Variants in TCF12 observed in about 807,000 individuals in gnomAD.
TCF12 encodes the protein transcription factor 12, also known as DNA-binding protein HTF4.
TCF12 carries 45 observed loss-of-function variants against 86.0 expected under a neutral mutation model. The observed-to-expected ratio is 0.52, with a 90% CI of 0.41 to 0.67. TCF12 has a LOEUF of 0.67. Ranked by LOEUF, TCF12 falls within the 30% of genes least tolerant of loss-of-function variation. TCF12 has a pLI of 0.00. For missense variants in TCF12, 881 were observed against 859.9 expected (o/e 1.02, Z -0.31); for synonymous variants, 330 against 299.6 (o/e 1.10, Z -1.05).
intron 3 of TCF12, among the ~76,000 whole-genome samples, chr15:56,935,976 A>G (rs2060453095): frequency 6.6e-6 from 1 of 152,138 alleles, no homozygotes; most frequent in South Asian, 2.1e-4. Flanking sequence ...TTTTTTTCAT[A>G]TAATGACTTC....
chr15:57,021,413 G>A (rs1355669588), intron 3 of TCF12, among the ~76,000 whole-genome samples: 1 of 152,210 alleles, frequency 6.6e-6, no homozygotes, highest in Non-Finnish European at 1.5e-5. Flanking sequence ...AGCACTTTGG[G>A]AGGCCCAGGA....
At chr15:57,000,064 A>G (rs2063933174) in intron 3 of TCF12, among the ~76,000 whole-genome samples, 1 of 152,076 alleles carries the variant, frequency 6.6e-6, no homozygotes, top group Non-Finnish European at 1.5e-5. Context: ...AACTAGGAGT[A>G]TTCATTCACT....
intron 5 of TCF12, among the ~76,000 whole-genome samples, chr15:57,131,507 C>A (rs1281505261): frequency 6.6e-6 from 1 of 152,170 alleles, no homozygotes; most frequent in African/African-American, 2.4e-5. Context: ...ACTGTTTTTA[C>A]TTACTAATGC....
At chr15:56,934,393 G>A (rs191626687) in intron 3 of TCF12, among the ~76,000 whole-genome samples, 20 of 152,290 alleles carry the variant, frequency 1.3e-4, no homozygotes, top group African/African-American at 4.8e-4. Flanking sequence ...AGGAGGAGAC[G>A]ATACAAAGAG....
At position 57,243,630 on chromosome 15, in the gene TCF12, T is replaced by C. The variant is rs2059728142; in HGVS notation, c.1114+80T>C. On this transcript the variant is annotated intron_variant, in intron 13 of 20. Coordinates refer to ENST00000333725, the MANE Select transcript of TCF12 (RefSeq NM_207037.2). Reference sequence around the variant, plus strand: ...AGTTCATTTATTTCTCAACAAACTTTAATAAAAATTTGTGAAAAATCATTT... The same window carrying C: ...AGTTCATTTATTTCTCAACAAACTTCAATAAAAATTTGTGAAAAATCATTT... The C allele has an allele frequency of 1.1e-5, 14 of 1,265,494 alleles. No individual in the cohort carries two copies. The Admixed American group carries it at 1.2e-4, about 11-fold the overall frequency. The allele number at this position is 1,265,494 out of a possible 1,614,324, so 78.4% of individuals were successfully genotyped here.
intron 7 of TCF12, 137 bp downstream of exon 7, chr15:57,192,430 C>T: frequency 8.1e-7 from 1 of 1,240,360 alleles, no homozygotes; most frequent in South Asian, 1.6e-5. Flanking sequence ...ACTCTGTTAC[C>T]CATGCAGGAA....
At chr15:57,248,133 G>A (rs1440962069) in intron 13 of TCF12, 3 of 701,964 alleles carry the variant, frequency 4.3e-6, no homozygotes, top group South Asian at 3.0e-5. Context: ...TTATTTTAAG[G>A]ATCCTTTTCC....
intron 4 of TCF12, among the ~76,000 whole-genome samples, chr15:57,077,653 A>G (rs1376425847): frequency 6.6e-6 from 1 of 150,920 alleles, no homozygotes; most frequent in African/African-American, 2.4e-5. Flanking sequence ...GCTGGTCTCG[A>G]ACTCCTGACC....
intron 16 of TCF12, among the ~76,000 whole-genome samples, chr15:57,259,043 G>A (rs1026651972): frequency 2.0e-5 from 3 of 151,746 alleles, no homozygotes; most frequent in African/African-American, 7.3e-5. Context: ...CCACTTTTTT[G>A]CTTTCTGCAA....
At chr15:57,016,702 C>G (rs890540017) in intron 3 of TCF12, among the ~76,000 whole-genome samples, 3 of 151,918 alleles carry the variant, frequency 2.0e-5, no homozygotes, top group East Asian at 1.9e-4. Flanking sequence ...GGGCCTCTTG[C>G]ATTTCCATGT....
chr15:57,195,781 T>A (rs1301368062), intron 7 of TCF12, among the ~76,000 whole-genome samples: 1 of 152,144 alleles, frequency 6.6e-6, no homozygotes, highest in Non-Finnish European at 1.5e-5. Flanking sequence ...AGGCCGATGA[T>A]CACTTGAGAC....
chr15:57,255,770 C>T (rs2060319461), intron 16 of TCF12, among the ~76,000 whole-genome samples: 1 of 152,034 alleles, frequency 6.6e-6, no homozygotes, highest in African/African-American at 2.4e-5. Flanking sequence ...GTGTGAGCCA[C>T]TGCACCCGGC....
intron 6 of TCF12, among the ~76,000 whole-genome samples, chr15:57,171,433 T>G (rs557219701): frequency 1.4e-4 from 21 of 152,228 alleles, no homozygotes; most frequent in Non-Finnish European, 2.1e-4. Flanking sequence ...GTCTTACCTA[T>G]TCACAAGCGA....
At chr15:57,124,671 T>C (rs2051500874) in intron 5 of TCF12, among the ~76,000 whole-genome samples, 2 of 151,970 alleles carry the variant, frequency 1.3e-5, no homozygotes, top group Admixed American at 6.6e-5. Context: ...CTCTCAAAAA[T>C]ATTTCTTTTT....
intron 3 of TCF12, among the ~76,000 whole-genome samples, chr15:56,938,467 G>T (rs2060581177): frequency 6.6e-6 from 1 of 151,936 alleles, no homozygotes; most frequent in Admixed American, 6.6e-5. Context: ...CCTGTAGTTT[G>T]CTTTTTCTGT....
intron 6 of TCF12, among the ~76,000 whole-genome samples, chr15:57,184,958 GTTA>G (rs2056579779): frequency 6.6e-6 from 1 of 152,008 alleles, no homozygotes. Context: ...TCTTCTGGAG[GTTA>G]TTATTTTAAT....
At chr15:57,251,293 A>G in intron 13 of TCF12, 57 bp from the exon 14 acceptor site, 1 of 1,452,200 alleles carries the variant, frequency 6.9e-7, no homozygotes, top group Non-Finnish European at 9.7e-7. Flanking sequence ...TTCCTTCACA[A>G]CATTATCAAG....
chr15:57,286,697 T>C lies in TCF12; in HGVS notation c.*552T>C, dbSNP rs1260412206. On this transcript the variant is annotated 3_prime_UTR_variant, in exon 21 of 21. Coordinates refer to ENST00000333725, the MANE Select transcript of TCF12 (RefSeq NM_207037.2). ...AGTGTCTTAAAAAGGAAGGGAAAAG[T>C]CTTTTGTTGCCCTCTCCTATCCTCT... 1 of 456,292 alleles carries C rather than the reference T, an allele frequency of 2.2e-6. No individual in the cohort carries two copies. The highest frequency in any genetic ancestry group is 6.9e-5 in the East Asian group (1 of 14,396). 28.3% of individuals were successfully genotyped at this position (456,292 alleles called of 1,614,324 possible). A position where few individuals can be genotyped will look rare whatever the true frequency, so the allele number is the denominator to read the frequency against.
chr15:57,134,685 TTA>T (rs1453697522), intron 5 of TCF12, among the ~76,000 whole-genome samples: 1 of 152,228 alleles, frequency 6.6e-6, no homozygotes, highest in Non-Finnish European at 1.5e-5. Context: ...CAGAAATGGC[TTA>T]TATGAATCAG....
Sources: allele counts gnomAD v4.1 joint callset (sites outside exome capture counted in the v4.1 genomes callset), GRCh38; gene constraint gnomAD v4.1.1; transcripts MANE v1.5; gene names NCBI Gene and HGNC (gene_info 2026-07-23, HGNC 2026-07-21).